The following MAMDC2 variants were observed in gnomAD, a reference collection of about 807,000 sequenced individuals.
MAMDC2 encodes MAM domain-containing protein 2.
Under a neutral mutation model 89.8 loss-of-function variants are expected in MAMDC2, and 57 were observed. The ratio of observed to expected loss-of-function variants is 0.63; its 90% CI spans 0.51 to 0.79. The LOEUF (loss-of-function observed/expected upper bound fraction) is 0.79, where lower values mean the gene tolerates loss of function less well. MAMDC2 is among the 30% of genes least tolerant of loss of function. The pLI is 0.00. For missense variants in MAMDC2, 800 were observed against 820.6 expected, an observed-to-expected ratio of 0.97 and a Z score of 0.31; for synonymous variants, 313 against 293.4, an observed-to-expected ratio of 1.07 and a Z score of -0.68.
At chr9:70,186,160 C>G (rs556455935) in intron 11 of MAMDC2, among the ~76,000 whole-genome samples, 1 of 151,888 alleles carries the variant, frequency 6.6e-6, no homozygotes, top group African/African-American at 2.4e-5. Flanking sequence ...TTTTTAAATC[C>G]TAAAAAGTAT....
intron 8 of MAMDC2, among the ~76,000 whole-genome samples, chr9:70,142,530 A>C (rs1286174515): frequency 6.6e-6 from 1 of 152,228 alleles, no homozygotes; most frequent in African/African-American, 2.4e-5. Flanking sequence ...TCAGGCAGCC[A>C]TAAGAAAATA....
At chr9:70,066,207 C>A (rs1427670351) in intron 2 of MAMDC2, among the ~76,000 whole-genome samples, 1 of 152,068 alleles carries the variant, frequency 6.6e-6, no homozygotes, top group Non-Finnish European at 1.5e-5. Context: ...GCCAGACATG[C>A]GACTCTCCAG....
chr9:70,170,996 G>C (rs943002191), intron 11 of MAMDC2: 8 of 203,596 alleles, frequency 3.9e-5, no homozygotes, highest in Non-Finnish European at 7.8e-5. Flanking sequence ...AAAGGAAGAG[G>C]CATACAGGTT....
At chr9:70,210,109 C>T (rs922996660) in intron 11 of MAMDC2, among the ~76,000 whole-genome samples, 4 of 150,956 alleles carry the variant, frequency 2.6e-5, no homozygotes, top group African/African-American at 9.9e-5. Flanking sequence ...AATGTATATT[C>T]TGTCGATTTG....
intron 11 of MAMDC2, among the ~76,000 whole-genome samples, chr9:70,209,576 A>T (rs943625746): frequency 3.8e-5 from 5 of 132,632 alleles, no homozygotes; most frequent in African/African-American, 1.4e-4. Flanking sequence ...GATCTTTTTA[A>T]AAAACCAGCT....
Position 70,126,325 on chromosome 9 carries a change from C to A in MAMDC2, c.810C>A (p.Gly270=). ...VFSLYTRDVA[G]LYEEIWKADR... ...CCCTTTACACTCGGGATGTGGCTGGCCTTTACGAGGAAATCTGGAAAGCAG... is the reference window on the plus strand; with the variant it reads ...CCCTTTACACTCGGGATGTGGCTGGACTTTACGAGGAAATCTGGAAAGCAG... Residue 270 remains glycine (G), a synonymous_variant, in exon 6 of 14, where the codon GGC becomes GGA. Transcript: ENST00000377182. 1 of 1,614,098 alleles carries A rather than the reference C, an allele frequency of 6.2e-7. No homozygotes were observed. Among genetic ancestry groups the A allele is most frequent in the Non-Finnish European group, 8.5e-7 (1 of 1,180,004 alleles).
At chr9:70,181,781 T>C (rs139799149) in intron 11 of MAMDC2, among the ~76,000 whole-genome samples, 1,805 of 152,302 alleles carry the variant, frequency 0.012, 26 homozygotes, top group African/African-American at 0.04. Context: ...TTTCTAAATA[T>C]ACAATCATGT....
chr9:70,175,415 T>C (rs913551824), intron 11 of MAMDC2, among the ~76,000 whole-genome samples: 2 of 152,204 alleles, frequency 1.3e-5, no homozygotes, highest in East Asian at 1.9e-4. Flanking sequence ...AGTAGCCTGA[T>C]AAAACCTTGC....
intron 11 of MAMDC2, among the ~76,000 whole-genome samples, chr9:70,204,031 C>T (rs1344991587): frequency 1.3e-5 from 2 of 150,590 alleles, no homozygotes; most frequent in South Asian, 2.2e-4. Flanking sequence ...GTAATTTGAT[C>T]GTCTGAAGCC....
At chr9:70,089,579 G>A (rs754243592) in intron 2 of MAMDC2, among the ~76,000 whole-genome samples, 7 of 152,114 alleles carry the variant, frequency 4.6e-5, no homozygotes, top group Non-Finnish European at 8.8e-5. Flanking sequence ...GGGGAGGGGA[G>A]TGGGGACTCT....
rs141132474 is a variant in MAMDC2 at position 70,143,615 on chromosome 9, T to C, written c.1200T>C (p.Tyr400=). ...AGCCTGGCTACATTGGAAGGCTCTA[T>C]GGGCCCTCCCTACCAGGAAACTTGC... ...TSQPGYIGRL[Y]GPSLPGNLQY... Residue 400 remains tyrosine (Y), a synonymous_variant, in exon 9 of 14, where the codon TAT becomes TAC. Transcript: ENST00000377182. The C allele has an allele frequency of 2.0e-4, 319 of 1,614,152 alleles. 1 individual carries two copies. In the African/African-American group the frequency reaches 3.5e-3, roughly 18 times the overall value.
In MAMDC2 at chr9:70,140,152, G is replaced by T. The variant is rs1417687947; in HGVS notation, c.1002G>T (p.Leu334=). The T allele has an allele frequency of 3.2e-6, 5 of 1,581,132 alleles. No individual in the cohort carries two copies. Among genetic ancestry groups the T allele is most frequent in the Non-Finnish European group, 4.3e-6 (5 of 1,169,738 alleles). The part of the protein sequence containing the change: ...PVHCQNQTEL[L]FSAVEASCNF... Reference sequence around the variant, plus strand: ...TGCTTGTCCTTTGCTCAGAACTTCTGTTCAGTGCCGTGGAAGCCAGCTGCA... The same window carrying T: ...TGCTTGTCCTTTGCTCAGAACTTCTTTTCAGTGCCGTGGAAGCCAGCTGCA... Residue 334 remains leucine, a synonymous_variant, in exon 8 of 14, where the codon CTG becomes CTT. Transcript: ENST00000377182.
chr9:70,111,355 A>C (rs1306069514), intron 4 of MAMDC2, among the ~76,000 whole-genome samples: 2 of 152,228 alleles, frequency 1.3e-5, no homozygotes, highest in Non-Finnish European at 2.9e-5. Flanking sequence ...GTGACTTCTG[A>C]TTTGTTTAAA....
chr9:70,150,939 A>C (rs776498509), intron 9 of MAMDC2, among the ~76,000 whole-genome samples: 1 of 152,244 alleles, frequency 6.6e-6, no homozygotes, highest in Non-Finnish European at 1.5e-5. Flanking sequence ...TATGGCCTTC[A>C]GAATAAAGCT....
intron 11 of MAMDC2, among the ~76,000 whole-genome samples, chr9:70,196,785 T>C (rs1003058214): frequency 2.6e-5 from 4 of 152,052 alleles, no homozygotes; most frequent in Admixed American, 1.3e-4. Context: ...TGGTACCATG[T>C]GGCAATGCTT....
chr9:70,125,358 G>T (rs1048667264), intron 5 of MAMDC2, among the ~76,000 whole-genome samples: 1 of 152,180 alleles, frequency 6.6e-6, no homozygotes, highest in Non-Finnish European at 1.5e-5. Flanking sequence ...AGGAAATTGA[G>T]ACCCAGACAT....
intron 2 of MAMDC2, among the ~76,000 whole-genome samples, chr9:70,051,773 T>C (rs1826902105): frequency 1.3e-5 from 2 of 152,218 alleles, no homozygotes; most frequent in African/African-American, 4.8e-5. Flanking sequence ...ATTTTTCTTA[T>C]GCTTTTCTTA....
intron 2 of MAMDC2, chr9:70,086,964 C>T (rs1362458328): frequency 1.3e-5 from 2 of 152,116 alleles, no homozygotes; most frequent in Non-Finnish European, 2.9e-5. Flanking sequence ...TACCCTCTCG[C>T]TGCTACAGAG....
intron 11 of MAMDC2, among the ~76,000 whole-genome samples, chr9:70,180,684 T>A (rs2118574583): frequency 6.6e-6 from 1 of 152,364 alleles, no homozygotes; most frequent in South Asian, 2.1e-4. Context: ...TCTGTTCATA[T>A]CCTTCGGCCA....
Sources: allele counts gnomAD v4.1 joint callset (sites outside exome capture counted in the v4.1 genomes callset), GRCh38; gene constraint gnomAD v4.1.1; transcripts MANE v1.5; gene names NCBI Gene and HGNC (gene_info 2026-07-23, HGNC 2026-07-21).